KCNN3: variants seen among roughly 807,000 people sequenced by gnomAD.
KCNN3 encodes the protein potassium calcium-activated channel subfamily N member 3.
A neutral mutation model predicts 62.9 loss-of-function variants in KCNN3; 16 were observed. The ratio of observed to expected loss-of-function variants is 0.25; its 90% CI spans 0.17 to 0.39. The LOEUF (loss-of-function observed/expected upper bound fraction) is 0.39. Among genes scored for constraint, KCNN3 ranks in the 10% least tolerant of loss-of-function variants. The pLI, the probability that KCNN3 is intolerant of heterozygous loss-of-function variation, is 1.00. For synonymous variants in KCNN3, 370 were observed against 389.2 expected, an observed-to-expected ratio of 0.95 and a Z score of 0.58; for missense variants, 599 against 949.4, an observed-to-expected ratio of 0.63 and a Z score of 4.85.
chr1:154,847,129 C>T (rs1453285479), intron 1 of KCNN3, among the ~76,000 whole-genome samples: 1 of 152,042 alleles, frequency 6.6e-6, no homozygotes, highest in African/African-American at 2.4e-5. Flanking sequence ...GTCCGCCAAG[C>T]ATCTACCAGG....
chr1:154,817,416 G>A (rs1650711632), intron 2 of KCNN3, among the ~76,000 whole-genome samples: 1 of 152,250 alleles, frequency 6.6e-6, no homozygotes, highest in Non-Finnish European at 1.5e-5. Context: ...AAATCTTAGA[G>A]GCTTTCCCGA....
Position 154,702,793 on chromosome 1 carries a change from C to G in KCNN3, c.*5183G>C, listed in dbSNP as rs1032609961. 7.4e-6 allele frequency: 1 copy of G among 135,412 alleles called. No homozygotes were observed. Among genetic ancestry groups the G allele is most frequent in the Non-Finnish European group, 1.5e-5 (1 of 64,912 alleles). The allele number at this position is 135,412 out of a possible 1,614,324, so 8.4% of individuals were successfully genotyped here. On this transcript the variant is annotated 3_prime_UTR_variant, in exon 8 of 8. Coordinates refer to ENST00000271915, the MANE Select transcript of KCNN3 (RefSeq NM_002249.6). Reference sequence around the variant, plus strand: ...ATAAATGTCAACATCTCTTTGGGATCCTAACTGCAGGTTGGAGTTGAATTT... The same window carrying G: ...ATAAATGTCAACATCTCTTTGGGATGCTAACTGCAGGTTGGAGTTGAATTT...
chr1:154,853,287 C>T (rs902916257), intron 1 of KCNN3, among the ~76,000 whole-genome samples: 2 of 152,090 alleles, frequency 1.3e-5, no homozygotes, highest in Non-Finnish European at 2.9e-5. Flanking sequence ...CCATGCCTGG[C>T]CCTAAGCACT....
At chr1:154,741,576 T>C (rs1700822627) in intron 3 of KCNN3, among the ~76,000 whole-genome samples, 1 of 152,244 alleles carries the variant, frequency 6.6e-6, no homozygotes. Context: ...TCACTATTAA[T>C]AAGAACTCAG....
chr1:154,757,475 T>C (rs1438818584), intron 3 of KCNN3, among the ~76,000 whole-genome samples: 2 of 152,098 alleles, frequency 1.3e-5, no homozygotes, highest in South Asian at 2.1e-4. Context: ...TACAATTGTA[T>C]TGAAGAAAAG....
chr1:154,810,285 T>A (rs2101882884), intron 2 of KCNN3, among the ~76,000 whole-genome samples: 1 of 152,142 alleles, frequency 6.6e-6, no homozygotes, highest in South Asian at 2.1e-4. Flanking sequence ...CCCAGGCAGA[T>A]GATGGCTTGG....
chr1:154,816,230 A>G (rs1650657723), intron 2 of KCNN3, among the ~76,000 whole-genome samples: 1 of 152,232 alleles, frequency 6.6e-6, no homozygotes, highest in Non-Finnish European at 1.5e-5. Context: ...GACTGGAAAC[A>G]TCTGAGACCA....
At chr1:154,713,376 G>A in intron 7 of KCNN3, 88 bp downstream of exon 7, 2 of 1,097,490 alleles carry the variant, frequency 1.8e-6, no homozygotes, top group South Asian at 2.5e-5. Flanking sequence ...GCGCTGTCCA[G>A]TGCGAACCCA....
chr1:154,744,863 A>G (rs544037912), intron 3 of KCNN3, among the ~76,000 whole-genome samples: 1 of 152,008 alleles, frequency 6.6e-6, no homozygotes, highest in Non-Finnish European at 1.5e-5. Flanking sequence ...CTGAGGAATA[A>G]ATGGCCTAGG....
intron 3 of KCNN3, among the ~76,000 whole-genome samples, chr1:154,747,378 C>A (rs927579200): frequency 2.6e-5 from 4 of 152,200 alleles, no homozygotes; most frequent in Admixed American, 6.5e-5. Context: ...GTGGCTCCCC[C>A]TCTCCTAGGT....
chr1:154,798,336 A>G (rs1649814411), intron 2 of KCNN3, among the ~76,000 whole-genome samples: 1 of 152,234 alleles, frequency 6.6e-6, no homozygotes, highest in Non-Finnish European at 1.5e-5. Context: ...TCCTCTCCAT[A>G]GCTCAGGAAC....
At chr1:154,841,319 C>G (rs886910176) in intron 1 of KCNN3, among the ~76,000 whole-genome samples, 1 of 152,242 alleles carries the variant, frequency 6.6e-6, no homozygotes, top group Non-Finnish European at 1.5e-5. Context: ...TAATCCCCAA[C>G]AAACCCTGGG....
intron 1 of KCNN3, among the ~76,000 whole-genome samples, chr1:154,827,970 C>G (rs918910037): frequency 3.9e-5 from 6 of 152,178 alleles, no homozygotes; most frequent in Admixed American, 2.0e-4. Context: ...CAGACCCTCT[C>G]TCTCCCAGGA....
rs144765130 is a variant in KCNN3 at position 154,721,425 on chromosome 1, G to A, written c.1701+4491C>T. ...AGCAATTCTCCTGCCTCAGCCTCCC[G>A]AGAAGCTGGGATTACAGGCACCCAC... On this transcript the variant is annotated intron_variant, in intron 5 of 7. Transcript: ENST00000271915. Among the ~76,000 whole-genome samples the A allele has an allele frequency of 4.7e-3, 713 of 151,000 alleles. 4 individuals are homozygous for A. The highest frequency in any genetic ancestry group is 0.016 in the African/African-American group (672 of 41,048).
rs1211450928 is a variant in KCNN3 at position 154,706,921 on chromosome 1, C to G, written c.*1055G>C. On this transcript the variant is annotated 3_prime_UTR_variant, in exon 8 of 8. Transcript: ENST00000271915. ...TTGTGCATGTCTGCACACACATGCA[C>G]AATTTCTTGTCCTCTCCCTCCACAC... 3.9e-5 allele frequency: 6 copies of G among 152,262 alleles called. No homozygotes were observed. The highest frequency in any genetic ancestry group is 9.6e-5 in the African/African-American group (4 of 41,468). The allele number at this position is 152,262 out of a possible 1,614,324, so 9.4% of individuals were successfully genotyped here. A position where few individuals can be genotyped will look rare whatever the true frequency, so the allele number is the denominator to read the frequency against.
intron 5 of KCNN3, among the ~76,000 whole-genome samples, 160 bp downstream of exon 5, chr1:154,725,756 G>T (rs1700449365): frequency 6.6e-6 from 1 of 152,124 alleles, no homozygotes; most frequent in South Asian, 2.1e-4. Context: ...TATTAGCCAG[G>T]ATGGTCTTGA....
intron 3 of KCNN3, among the ~76,000 whole-genome samples, chr1:154,734,522 T>G (rs1700669124): frequency 6.6e-6 from 1 of 152,352 alleles, no homozygotes; most frequent in South Asian, 2.1e-4. Flanking sequence ...GGAATCTCCA[T>G]GCCCCCACAG....
intron 2 of KCNN3, among the ~76,000 whole-genome samples, chr1:154,793,926 C>T (rs1280626556): frequency 1.3e-5 from 2 of 152,152 alleles, no homozygotes; most frequent in Non-Finnish European, 2.9e-5. Context: ...GATCCTTTCC[C>T]CCATGCATGC....
At chr1:154,786,182 C>T (rs1305504664) in intron 2 of KCNN3, among the ~76,000 whole-genome samples, 4 of 152,186 alleles carry the variant, frequency 2.6e-5, no homozygotes, top group African/African-American at 7.2e-5. Flanking sequence ...CCAGGCACAG[C>T]GCCCAGGGCC....
Sources: allele counts gnomAD v4.1 joint callset (sites outside exome capture counted in the v4.1 genomes callset), GRCh38; gene constraint gnomAD v4.1.1; transcripts MANE v1.5; gene names NCBI Gene and HGNC (gene_info 2026-07-23, HGNC 2026-07-21).